Variants in FAM81B observed in about 807,000 individuals in gnomAD.
FAM81B encodes protein FAM81B.
Under a neutral mutation model 58.7 loss-of-function variants are expected in FAM81B, and 60 were observed. That is an observed-to-expected ratio of 1.02 (90% CI 0.83 to 1.27). The LOEUF is 1.27. Ranked by LOEUF, FAM81B falls within the 50% of genes most tolerant of loss-of-function variation. FAM81B has a pLI of 0.00. For missense variants in FAM81B, 491 were observed against 522.0 expected (o/e 0.94, Z 0.58); for synonymous variants, 189 against 179.6 (o/e 1.05, Z -0.42).
chr5:95,424,947 A>G (rs1762784119), intron 5 of FAM81B, among the ~76,000 whole-genome samples: 1 of 152,186 alleles, frequency 6.6e-6, no homozygotes, highest in East Asian at 1.9e-4. Flanking sequence ...AAAAGTCAAG[A>G]TACTATGAAG....
At position 95,439,334 on chromosome 5, in the gene FAM81B, T is replaced by C. The variant is rs892144671; in HGVS notation, c.893+2428T>C. Among the ~76,000 whole-genome samples the C allele has an allele frequency of 2.3e-4, 35 of 149,930 alleles. 1 individual carries two copies. Among genetic ancestry groups the C allele is most frequent in the Non-Finnish European group, 4.9e-4 (33 of 67,562 alleles). ...GTTTTACACTTCGACCAGCAATGTA[T>C]GAGAAGACCTTTCTCTACATTTTAA... is the stretch of plus-strand genomic sequence containing the variant. On this transcript the variant is annotated intron_variant, in intron 7 of 9. Transcript: ENST00000283357.
chr5:95,437,456 T>C (rs538559966), intron 7 of FAM81B, among the ~76,000 whole-genome samples: 2 of 152,334 alleles, frequency 1.3e-5, no homozygotes, highest in East Asian at 1.9e-4. Flanking sequence ...GCCATTCTCC[T>C]GCCTCAGCCT....
At chr5:95,446,959 A>G (rs1436185396) in intron 8 of FAM81B, among the ~76,000 whole-genome samples, 7 of 151,276 alleles carry the variant, frequency 4.6e-5, no homozygotes, top group Admixed American at 2.6e-4. Flanking sequence ...TTTAAAAAAA[A>G]AAAAATAGAT....
intron 3 of FAM81B, chr5:95,397,098 G>A (rs1034577662): frequency 1.3e-5 from 2 of 152,120 alleles, no homozygotes; most frequent in African/African-American, 2.4e-5. Context: ...AAGATGATAA[G>A]ATTTCTTCAC....
In FAM81B at chr5:95,441,394, C is replaced by T. The variant is rs1745339371; in HGVS notation, c.893+4488C>T. On this transcript the variant is annotated intron_variant, in intron 7 of 9. Coordinates refer to ENST00000283357, the MANE Select transcript of FAM81B (RefSeq NM_152548.3). ...GACCATCCTGGCCAGCATAGTGAAA[C>T]CCCGCCTGTACTAAAAATACAAAAA... Among the ~76,000 whole-genome samples, 3 of 152,050 alleles carry T rather than the reference C, an allele frequency of 2.0e-5. No homozygotes were observed. In the South Asian group the frequency reaches 6.2e-4, roughly 32 times the overall value.
At chr5:95,393,743 T>C (rs1761892015) in intron 2 of FAM81B, among the ~76,000 whole-genome samples, 1 of 152,198 alleles carries the variant, frequency 6.6e-6, no homozygotes, top group Admixed American at 6.5e-5. Flanking sequence ...GGGAAGGTAA[T>C]GATATCCACT....
At chr5:95,404,002 A>T (rs530124495) in intron 3 of FAM81B, among the ~76,000 whole-genome samples, 2 of 152,312 alleles carry the variant, frequency 1.3e-5, no homozygotes, top group Admixed American at 1.3e-4. Context: ...GAGAACATCT[A>T]GGAGAAAACA....
chr5:95,395,380 T>C (rs1474783712), intron 2 of FAM81B, among the ~76,000 whole-genome samples: 1 of 150,280 alleles, frequency 6.7e-6, no homozygotes, highest in Non-Finnish European at 1.5e-5. Context: ...GAGGCGGAGC[T>C]TGCAGTGAGT....
chr5:95,424,233 C>T (rs1288636692), intron 5 of FAM81B: 2 of 1,288,532 alleles, frequency 1.6e-6, no homozygotes, highest in East Asian at 5.6e-5. Context: ...TGTTAGAATG[C>T]AGTCATGCAT....
chr5:95,441,499 G>T (rs1380370991), intron 7 of FAM81B, among the ~76,000 whole-genome samples: 4 of 152,004 alleles, frequency 2.6e-5, no homozygotes, highest in African/African-American at 9.7e-5. Flanking sequence ...AACCCGGGAG[G>T]TGGAGGTTGC....
At chr5:95,406,465 C>T (rs1014039205) in intron 3 of FAM81B, among the ~76,000 whole-genome samples, 13 of 152,212 alleles carry the variant, frequency 8.5e-5, no homozygotes, top group Non-Finnish European at 1.5e-5. Context: ...TTAGACCAAG[C>T]ATGCCAGGCC....
In FAM81B at chr5:95,404,110, T is replaced by C. The variant is rs113757622; in HGVS notation, c.293+7935T>C. ...TACCTTTGCTGGCAAATCTGGGATA[T>C]AGATTGTCTAGAGGCCACAAAGCAG... On this transcript the variant is annotated intron_variant, in intron 3 of 9. Coordinates refer to ENST00000283357, the MANE Select transcript of FAM81B (RefSeq NM_152548.3). 3.4e-3 allele frequency among the ~76,000 whole-genome samples: 522 copies of C among 152,272 alleles called. 2 individuals carry two copies. Among genetic ancestry groups the C allele is most frequent in the African/African-American group, 0.012 (494 of 41,558 alleles).
chr5:95,448,458 C>G lies in FAM81B; in HGVS notation c.1219C>G (p.Gln407Glu), dbSNP rs1745670229. ...GELETMQNEY[Q>E]SGFKSIHDSL... ...ATTAGAGACAATGCAGAATGAATAT[C>G]AATCAGGTGAGCAGATACCTTTTAT... The change falls in exon 9 of 10, where the codon CAA becomes GAA. Residue 407 changes from glutamine to glutamate, a missense_variant. Gln to Glu is a conservative substitution (Grantham distance 29, BLOSUM62 2). Coordinates refer to ENST00000283357, the MANE Select transcript of FAM81B (RefSeq NM_152548.3). 5.0e-6 allele frequency: 8 copies of G among 1,603,734 alleles called. 1 individual carries two copies. The highest frequency in any genetic ancestry group is 3.3e-4 in the Middle Eastern group (2 of 6,016).
At chr5:95,417,240 T>C (rs1407023520) in intron 4 of FAM81B, among the ~76,000 whole-genome samples, 1 of 152,350 alleles carries the variant, frequency 6.6e-6, no homozygotes, top group South Asian at 2.1e-4. Flanking sequence ...AGTGCTTTTT[T>C]TCCACTTTAC....
At chr5:95,449,700 G>A (rs1227745345) in intron 9 of FAM81B, among the ~76,000 whole-genome samples, 1 of 152,194 alleles carries the variant, frequency 6.6e-6, no homozygotes, top group African/African-American at 2.4e-5. Context: ...AAAGTGCTAG[G>A]AGGGAGGAGG....
chr5:95,447,086 T>TAC (rs1187610686), intron 8 of FAM81B, among the ~76,000 whole-genome samples: 1 of 152,150 alleles, frequency 6.6e-6, no homozygotes, highest in Non-Finnish European at 1.5e-5. Flanking sequence ...TGAAGATCTC[T>TAC]TAGTAGATTA....
At chr5:95,391,660 C>CAA in intron 1 of FAM81B, 147 bp downstream of exon 1, 1 of 801,054 alleles carries the variant, frequency 1.2e-6, no homozygotes, top group Non-Finnish European at 1.7e-6. Flanking sequence ...AACAAATGTA[C>CAA]AAGAAAAAAA....
rs142162378 is a variant in FAM81B, at chr5:95,439,649, A to T, written c.893+2743A>T. 3.5e-3 allele frequency among the ~76,000 whole-genome samples: 527 copies of T among 151,600 alleles called. 4 individuals are homozygous for T. Among genetic ancestry groups the T allele is most frequent in the African/African-American group, 0.012 (501 of 41,370 alleles). On this transcript the variant is annotated intron_variant, in intron 7 of 9. Transcript: ENST00000283357. ...GAAGACCTCTGTTTCAATCTGGTAT[A>T]TTGGATTTAGTTTTTAACAAGGTTA...
intron 1 of FAM81B, 150 bp downstream of exon 1, chr5:95,391,663 GA>G (rs34118099): frequency 3.3e-5 from 23 of 695,298 alleles, no homozygotes; most frequent in South Asian, 1.2e-4. Context: ...AAATGTACAA[GA>G]AAAAAAAACC....
Sources: allele counts gnomAD v4.1 joint callset (sites outside exome capture counted in the v4.1 genomes callset), GRCh38; gene constraint gnomAD v4.1.1; transcripts MANE v1.5; gene names NCBI Gene and HGNC (gene_info 2026-07-23, HGNC 2026-07-21).